The following CYP2B6 variants were observed in gnomAD, a reference collection of about 807,000 sequenced individuals.
CYP2B6 encodes the protein cytochrome P450 family 2 subfamily B member 6.
CYP2B6 carries 35 observed loss-of-function variants against 43.4 expected under a neutral mutation model. That is an observed-to-expected ratio of 0.81 (90% CI 0.62 to 1.07). The LOEUF (loss-of-function observed/expected upper bound fraction) is 1.07, where lower values mean the gene tolerates loss of function less well. CYP2B6 is among the 50% of genes least tolerant of loss of function. The pLI is 0.00. For synonymous variants in CYP2B6, 239 were observed against 239.2 expected (o/e 1.00, Z 0.01); for missense variants, 624 against 632.8 (o/e 0.99, Z 0.15).
At chr19:41,009,747 A>C (rs1475398556) in intron 5 of CYP2B6, 3 of 599,662 alleles carry the variant, frequency 5.0e-6, no homozygotes, top group African/African-American at 1.9e-5. Flanking sequence ...AGACGGGGAC[A>C]AAAAGAGAGA....
intron 8 of CYP2B6, among the ~76,000 whole-genome samples, chr19:41,015,999 T>TACACACACACACAC (rs113314890): frequency 0.02 from 2,925 of 149,878 alleles, 84 homozygotes; most frequent in African/African-American, 0.063. Context: ...CATGTACAGG[T>TACACACACACACAC]ACACACACAC....
intron 3 of CYP2B6, among the ~76,000 whole-genome samples, chr19:41,005,152 G>C (rs1969157169): frequency 6.6e-6 from 1 of 152,152 alleles, no homozygotes; most frequent in Non-Finnish European, 1.5e-5. Context: ...TGATGAGCTG[G>C]CAGTGAGCAG....
chr19:40,995,093 A>G (rs1322793625), intron 1 of CYP2B6, among the ~76,000 whole-genome samples: 2 of 152,168 alleles, frequency 1.3e-5, no homozygotes, highest in African/African-American at 4.8e-5. Context: ...TTCACAGATT[A>G]TAGTCCTATG....
In CYP2B6 at chr19:41,006,626, C is replaced by T. The variant is rs555162053; in HGVS notation, c.485-279C>T. Among the ~76,000 whole-genome samples, 3 of 152,028 alleles carry T rather than the reference C, an allele frequency of 2.0e-5. No homozygotes were observed. In the East Asian group the frequency reaches 5.8e-4, roughly 29 times the overall value. ...TGTGTTGCCTGGGTCTAAATCCTGG[C>T]CTCAGTAATGAGTAGCTGTGCAACT... On this transcript the variant is annotated intron_variant, in intron 3 of 8. Transcript: ENST00000324071.
intron 1 of CYP2B6, among the ~76,000 whole-genome samples, chr19:40,996,641 A>G (rs777231794): frequency 8.5e-5 from 13 of 152,112 alleles, no homozygotes; most frequent in Admixed American, 2.0e-4. Flanking sequence ...TCACCTCATC[A>G]ATATTTTTTC....
At chr19:41,016,117 C>T (rs1472143216) in intron 8 of CYP2B6, among the ~76,000 whole-genome samples, 3 of 151,920 alleles carry the variant, frequency 2.0e-5, no homozygotes, top group African/African-American at 4.8e-5. Flanking sequence ...ATGAACATGG[C>T]GCCGGGTGCA....
chr19:41,008,747 T>C (rs2144672605), intron 4 of CYP2B6, among the ~76,000 whole-genome samples: 1 of 152,320 alleles, frequency 6.6e-6, no homozygotes, highest in East Asian at 1.9e-4. Flanking sequence ...AAATTAGGCA[T>C]TCCATTCTTC....
intron 4 of CYP2B6, 143 bp from the exon 5 acceptor site, chr19:41,009,074 TAG>T (rs1969237653): frequency 2.9e-6 from 2 of 692,282 alleles, no homozygotes; most frequent in Admixed American, 4.2e-5. Context: ...AAAGGAGATA[TAG>T]AGTCAGTGAG....
chr19:40,999,445 T>A (rs1395122267), intron 1 of CYP2B6, among the ~76,000 whole-genome samples: 1 of 152,102 alleles, frequency 6.6e-6, no homozygotes, highest in Non-Finnish European at 1.5e-5. Flanking sequence ...ATTTGTCAAT[T>A]TTGTCTTTTG....
chr19:40,991,961 T>C (rs1968925507), intron 1 of CYP2B6, among the ~76,000 whole-genome samples: 1 of 152,016 alleles, frequency 6.6e-6, no homozygotes, highest in South Asian at 2.1e-4. Flanking sequence ...CCAGTGCTTT[T>C]GGAGGCCGAG....
At position 41,012,412 on chromosome 19, in the gene CYP2B6, C is replaced by A. The variant is rs1274446419; in HGVS notation, c.1079C>A (p.Ser360Tyr). 1 of 1,613,916 alleles carries A rather than the reference C, an allele frequency of 6.2e-7. No homozygotes were observed. Among genetic ancestry groups the A allele is most frequent in the African/African-American group, 1.3e-5 (1 of 74,864 alleles). ...GTCATCTATGAGATTCAGAGATTTTCCGACCTTCTCCCCATGGGTGTGCCC... is the reference window on the plus strand; with the variant it reads ...GTCATCTATGAGATTCAGAGATTTTACGACCTTCTCCCCATGGGTGTGCCC... ...EAVIYEIQRF[S>Y]DLLPMGVPHI... The change falls in exon 7 of 9, where the codon TCC becomes TAC. Residue 360 changes from serine (S) to tyrosine (Y), a missense_variant. Ser to Tyr is a moderately radical substitution (Grantham distance 144). Transcript: ENST00000324071.
intron 1 of CYP2B6, 110 bp downstream of exon 1, chr19:40,991,586 G>T: frequency 8.3e-7 from 1 of 1,198,906 alleles, no homozygotes; most frequent in Non-Finnish European, 1.2e-6. Flanking sequence ...GGTGGCACGG[G>T]CATGGTTGGT....
rs766976371 is a variant in CYP2B6, at chr19:41,004,132, C to T, written c.303C>T (p.Ile101=). 4.4e-6 allele frequency: 7 copies of T among 1,604,902 alleles called. No homozygotes were observed. Among genetic ancestry groups the T allele is most frequent in the South Asian group, 1.1e-5 (1 of 90,760 alleles). The change falls in exon 2 of 9, where the codon ATC becomes ATT. Residue 101 remains isoleucine (I), a synonymous_variant. Transcript: ENST00000324071. ...KAEAFSGRGK[I]AMVDPFFRGY... ...AGGCCTTCTCTGGCCGGGGAAAAATCGCCATGGTCGACCCATTCTTCCGGG... is the reference window on the plus strand; with the variant it reads ...AGGCCTTCTCTGGCCGGGGAAAAATTGCCATGGTCGACCCATTCTTCCGGG...
chr19:41,007,171 T>C, intron 4 of CYP2B6, 106 bp downstream of exon 4: 2 of 1,132,262 alleles, frequency 1.8e-6, no homozygotes, highest in Non-Finnish European at 2.6e-6. Context: ...AGCTTATCCT[T>C]GGAAGAAACG....
chr19:41,006,794 T>C (rs1177369732), intron 3 of CYP2B6, 111 bp from the exon 4 acceptor site: 2 of 997,734 alleles, frequency 2.0e-6, no homozygotes, highest in Non-Finnish European at 3.1e-6. Context: ...TTACGGTTAT[T>C]CTCATGTTTA....
intron 1 of CYP2B6, among the ~76,000 whole-genome samples, chr19:40,999,748 G>A (rs2873265): frequency 0.31 from 46,857 of 151,906 alleles, 7,762 homozygotes; most frequent in East Asian, 0.44. Context: ...GAGTACAATG[G>A]CACAGTCATA....
intron 8 of CYP2B6, chr19:41,013,154 A>C (rs1333515159): frequency 3.4e-6 from 1 of 295,220 alleles, no homozygotes; most frequent in Non-Finnish European, 6.4e-6. Flanking sequence ...AACAAGTCAC[A>C]CAGAGACAGG....
intron 6 of CYP2B6, among the ~76,000 whole-genome samples, chr19:41,011,386 G>T (rs899539559): frequency 3.9e-5 from 6 of 152,020 alleles, no homozygotes; most frequent in Non-Finnish European, 8.8e-5. Flanking sequence ...CATTAATTGG[G>T]TTCATTGATT....
Position 41,013,841 on chromosome 19 carries a change from C to T in CYP2B6, c.1294+1026C>T, listed in dbSNP as rs539492320. Among the ~76,000 whole-genome samples the T allele has an allele frequency of 2.0e-5, 3 of 152,282 alleles. No homozygotes were observed. In the South Asian group the frequency reaches 6.2e-4, roughly 32 times the overall value. Reference sequence around the variant, plus strand: ...CAGTAAAGGTTCAGAGAGCTCCATCCAGCAATGTGGTCAGGCACTATTTAT... The same window carrying T: ...CAGTAAAGGTTCAGAGAGCTCCATCTAGCAATGTGGTCAGGCACTATTTAT... On this transcript the variant is annotated intron_variant, in intron 8 of 8. Coordinates refer to ENST00000324071, the MANE Select transcript of CYP2B6 (RefSeq NM_000767.5).
Sources: gnomAD v4.1 joint callset for allele counts (sites outside exome capture counted in the v4.1 genomes callset) on GRCh38, gnomAD v4.1.1 for gene constraint, MANE v1.5 for transcripts, NCBI Gene and HGNC (gene_info 2026-07-23, HGNC 2026-07-21) for gene names.